The following NRXN1 variants were observed in gnomAD, a reference collection of about 807,000 sequenced individuals.
The protein encoded by NRXN1 is neurexin-1.
In NRXN1, 39 loss-of-function variants were observed where a neutral mutation model predicts 150.9. The observed-to-expected ratio is 0.26, with a 90% confidence interval of 0.20 to 0.34. The LOEUF is 0.34. Ranked by LOEUF, NRXN1 falls within the 10% of genes least tolerant of loss-of-function variation. The probability of loss-of-function intolerance (pLI) is 1.00; values close to 1 mark genes in which losing one functional copy is unlikely to be tolerated. For missense variants in NRXN1, 1,815 were observed against 1,949.9 expected (o/e 0.93, Z 1.30); for synonymous variants, 924 against 757.0 (o/e 1.22, Z -3.62).
At chr2:50,402,310 A>T (rs2082442888) in intron 17 of NRXN1, among the ~76,000 whole-genome samples, 1 of 151,980 alleles carries the variant, frequency 6.6e-6, no homozygotes. Context: ...TTTAAATGGT[A>T]GACTTATTTG....
intron 17 of NRXN1, among the ~76,000 whole-genome samples, chr2:50,380,782 T>G (rs535167457): frequency 2.9e-4 from 44 of 152,280 alleles, no homozygotes; most frequent in Non-Finnish European, 5.9e-5. Flanking sequence ...CAAAGCCTGA[T>G]GTCTATCTCA....
At chr2:50,928,269 A>T (rs1363656917) in intron 2 of NRXN1, among the ~76,000 whole-genome samples, 1 of 151,944 alleles carries the variant, frequency 6.6e-6, no homozygotes, top group Non-Finnish European at 1.5e-5. Context: ...CCACTGTTTA[A>T]AAAAAAGATG....
intron 3 of NRXN1, 132 bp from the exon 4 acceptor site, chr2:50,922,819 T>A: frequency 1.1e-6 from 1 of 931,736 alleles, no homozygotes; most frequent in Admixed American, 2.0e-5. Flanking sequence ...CAGAGGCAAA[T>A]CAAAAAGCAT....
At chr2:50,500,874 A>G (rs1449205795) in intron 13 of NRXN1, among the ~76,000 whole-genome samples, 2 of 152,192 alleles carry the variant, frequency 1.3e-5, no homozygotes, top group African/African-American at 4.8e-5. Flanking sequence ...TAATTCACTT[A>G]AAATTGCTGA....
chr2:50,444,352 C>T (rs1413125499), intron 17 of NRXN1, among the ~76,000 whole-genome samples: 1 of 152,142 alleles, frequency 6.6e-6, no homozygotes, highest in Non-Finnish European at 1.5e-5. Flanking sequence ...AATTAACTCC[C>T]TGGTTGTGAT....
At chr2:50,328,257 T>C (rs181681032) in intron 17 of NRXN1, among the ~76,000 whole-genome samples, 1 of 152,204 alleles carries the variant, frequency 6.6e-6, no homozygotes, top group Non-Finnish European at 1.5e-5. Context: ...AGTGCTAGTG[T>C]ATTTTATGTG....
intron 17 of NRXN1, among the ~76,000 whole-genome samples, chr2:50,322,689 T>A (rs957472107): frequency 5.3e-5 from 8 of 152,208 alleles, no homozygotes; most frequent in Non-Finnish European, 1.0e-4. Flanking sequence ...TTCCCATTAG[T>A]TATATTTGAA....
intron 2 of NRXN1, among the ~76,000 whole-genome samples, chr2:50,951,961 A>ATTTT (rs1312943065): frequency 1.7e-3 from 137 of 82,592 alleles, no homozygotes; most frequent in Non-Finnish European, 1.9e-3. Flanking sequence ...ATATATATAT[A>ATTTT]TATTTTTTTT....
chr2:50,484,029 T>G lies in NRXN1; in HGVS notation c.3071-11558A>C, dbSNP rs556102690. Among the ~76,000 whole-genome samples the G allele has an allele frequency of 4.3e-4, 66 of 152,332 alleles. No individual in the cohort carries two copies. The South Asian group carries it at 0.013, about 31-fold the overall frequency. On this transcript the variant is annotated intron_variant, in intron 15 of 22. Coordinates refer to ENST00000401669, the MANE Select transcript of NRXN1 (RefSeq NM_001330078.2). Reference sequence around the variant, plus strand: ...AAGGGCAAATATAAAAGAACAGCTCTTTCCTATAATACGTCTCTTTAATGT... The same window carrying G: ...AAGGGCAAATATAAAAGAACAGCTCGTTCCTATAATACGTCTCTTTAATGT...
rs957256549 is a variant in NRXN1 at position 50,762,102 on chromosome 2, C to CAT, written c.833-138489_833-138488dup. Among the ~76,000 whole-genome samples the CAT allele has an allele frequency of 3.1e-3, 395 of 127,046 alleles. 3 individuals are homozygous for CAT. Among genetic ancestry groups the CAT allele is most frequent in the African/African-American group, 5.4e-3 (181 of 33,608 alleles). The allele number at this position is 127,046 out of a possible 152,430, so 83.3% of individuals were successfully genotyped here. On this transcript the variant is annotated intron_variant, in intron 5 of 22. Coordinates refer to ENST00000401669, the MANE Select transcript of NRXN1 (RefSeq NM_001330078.2). ...GTGAATCAATACTCCTTAATAAACT[C>CAT]ATATATATATATATGTGTATACACA...
At position 50,995,602 on chromosome 2, in the gene NRXN1, C is replaced by CAA. The variant is rs34952996; in HGVS notation, c.772+31898_772+31899dup. 3.6e-3 allele frequency among the ~76,000 whole-genome samples: 260 copies of CAA among 71,658 alleles called. 3 individuals carry two copies. The highest frequency in any genetic ancestry group is 8.8e-3 in the East Asian group (20 of 2,284). The allele number at this position is 71,658 out of a possible 152,430, so 47.0% of individuals were successfully genotyped here. A position where few individuals can be genotyped will look rare whatever the true frequency, so the allele number is the denominator to read the frequency against. ...CCTGGGTGACAGAGCTAGACTCTGT[C>CAA]AAAAAAAAAAAAAAAAAAAAGAGCT... On this transcript the variant is annotated intron_variant, in intron 2 of 22. Coordinates refer to ENST00000401669, the MANE Select transcript of NRXN1 (RefSeq NM_001330078.2).
At position 51,027,581 on chromosome 2, in the gene NRXN1, T is replaced by G. The variant is rs1279746176; in HGVS notation, c.693A>C (p.Gly231=). 6.2e-7 allele frequency: 1 copy of G among 1,607,346 alleles called. No individual in the cohort carries two copies. The highest frequency in any genetic ancestry group is 8.5e-7 in the Non-Finnish European group (1 of 1,176,362). The change falls in exon 2 of 23, where the codon GGA becomes GGC. Residue 231 remains glycine, a synonymous_variant. Coordinates refer to ENST00000401669, the MANE Select transcript of NRXN1 (RefSeq NM_001330078.2). The part of the protein sequence containing the change: ...EEGEGGVCLN[G]GVCSVVDDQA... ...GGTCGTCCACCACGGAGCACACACC[T>G]CCGTTGAGGCACACCCCGCCCTCGC... is the stretch of plus-strand genomic sequence containing the variant.
chr2:50,690,233 T>C (rs1007262584), intron 5 of NRXN1, among the ~76,000 whole-genome samples: 1 of 152,168 alleles, frequency 6.6e-6, no homozygotes, highest in Non-Finnish European at 1.5e-5. Context: ...CTTTCCAACC[T>C]GTAAAATTTG....
intron 5 of NRXN1, among the ~76,000 whole-genome samples, chr2:50,675,721 G>A (rs751181904): frequency 5.3e-5 from 8 of 152,116 alleles, no homozygotes; most frequent in Non-Finnish European, 1.0e-4. Context: ...ATTTTAAGCT[G>A]TTAAACAGGG....
At chr2:50,857,826 A>AC (rs1415107530) in intron 5 of NRXN1, among the ~76,000 whole-genome samples, 1 of 151,920 alleles carries the variant, frequency 6.6e-6, no homozygotes, top group Non-Finnish European at 1.5e-5. Context: ...ATTAAAAAAA[A>AC]CAGACAATGG....
chr2:50,245,763 A>C (rs7601443), intron 17 of NRXN1, among the ~76,000 whole-genome samples: 84,438 of 151,234 alleles, frequency 0.56, 23,903 homozygotes, highest in African/African-American at 0.63. Flanking sequence ...AAAAAAAAAA[A>C]TGACATAAAC....
chr2:50,644,165 A>C (rs933204796), intron 5 of NRXN1, among the ~76,000 whole-genome samples: 1 of 151,778 alleles, frequency 6.6e-6, no homozygotes, highest in African/African-American at 2.4e-5. Flanking sequence ...GGAAAAAAAA[A>C]ACTTAATGAT....
At chr2:50,717,470 C>G (rs865840000) in intron 5 of NRXN1, among the ~76,000 whole-genome samples, 1 of 152,068 alleles carries the variant, frequency 6.6e-6, no homozygotes, top group Non-Finnish European at 1.5e-5. Context: ...GAATTTTTAC[C>G]ATGATTTTCA....
chr2:50,480,367 T>C (rs1037503006), intron 15 of NRXN1, among the ~76,000 whole-genome samples: 5 of 152,194 alleles, frequency 3.3e-5, no homozygotes, highest in South Asian at 2.1e-4. Context: ...GAGCCTATCC[T>C]GGCCTTCTGT....
Sources: gnomAD v4.1 joint callset for allele counts (sites outside exome capture counted in the v4.1 genomes callset) on GRCh38, gnomAD v4.1.1 for gene constraint, MANE v1.5 for transcripts, NCBI Gene and HGNC (gene_info 2026-07-23, HGNC 2026-07-21) for gene names.